The following NDRG4 variants were observed in gnomAD, a reference collection of about 807,000 sequenced individuals.
NDRG4 encodes protein NDRG4.
NDRG4 carries 38 observed loss-of-function variants against 55.8 expected under a neutral mutation model. The ratio of observed to expected loss-of-function variants is 0.68; its 90% CI spans 0.53 to 0.89. The LOEUF is 0.89. Ranked by LOEUF, NDRG4 falls within the 40% of genes least tolerant of loss-of-function variation. NDRG4 has a pLI of 0.00. For missense variants in NDRG4, 455 were observed against 468.6 expected (o/e 0.97, Z 0.27); for synonymous variants, 190 against 182.7 (o/e 1.04, Z -0.32).
At position 58,506,299 on chromosome 16, in the gene NDRG4, T is replaced by G. The variant is rs564056870; in HGVS notation, c.373-88T>G. ...GACCCGGCTGTAGCCGGGTGGCTGA[T>G]CAGCAGCACCTTGAAGACTTTACAG... On this transcript the variant is annotated intron_variant, in intron 5 of 14. Transcript: ENST00000570248. 2.3e-6 allele frequency: 3 copies of G among 1,332,232 alleles called. No homozygotes were observed. In the African/African-American group the frequency reaches 4.3e-5, roughly 19 times the overall value. The allele number at this position is 1,332,232 out of a possible 1,614,324, so 82.5% of individuals were successfully genotyped here. A position where few individuals can be genotyped will look rare whatever the true frequency, so the allele number is the denominator to read the frequency against.
intron 1 of NDRG4, chr16:58,501,192 A>G: frequency 1.7e-6 from 1 of 592,532 alleles, no homozygotes; most frequent in East Asian, 3.5e-5. Flanking sequence ...CCCCGCACGC[A>G]CGGAGGTGAC....
At position 58,464,095 on chromosome 16, in the gene NDRG4, T is replaced by A; in HGVS notation, c.-24+298T>A. 2 of 269,012 alleles carry A rather than the reference T, an allele frequency of 7.4e-6. No individual in the cohort carries two copies. Among genetic ancestry groups the A allele is most frequent in the Non-Finnish European group, 1.4e-5 (2 of 144,048 alleles). 16.7% of individuals were successfully genotyped at this position (269,012 alleles called of 1,614,324 possible). The stretch of plus-strand genomic sequence containing the variant: ...ACGCCCGGAGGCGGCGGGGTCTCTT[T>A]GTTCGGGCGGCGGGCACGGGGGACC... On this transcript the variant is annotated intron_variant, in intron 1 of 15. Transcript: ENST00000258187. The surrounding 1 kb of genome is among the most constrained non-coding windows in gnomAD (Gnocchi z 4.8).
At chr16:58,482,654 T>TCC in intron 1 of NDRG4, among the ~76,000 whole-genome samples, 1 of 151,484 alleles carries the variant, frequency 6.6e-6, no homozygotes, top group African/African-American at 2.4e-5. Flanking sequence ...TTCTCTCTTT[T>TCC]CTCTCTTTCC....
intron 1 of NDRG4, among the ~76,000 whole-genome samples, chr16:58,482,776 C>G (rs1381783990): frequency 1.5e-5 from 2 of 130,998 alleles, no homozygotes; most frequent in Admixed American, 1.8e-4. Flanking sequence ...TTCCTTTTTT[C>G]CTTCCTTCTC....
At chr16:58,508,639 C>G (rs2038367475) in intron 10 of NDRG4, among the ~76,000 whole-genome samples, 2 of 152,208 alleles carry the variant, frequency 1.3e-5, no homozygotes. Context: ...CTCGGCACCC[C>G]TCACCTCACT....
At position 58,504,405 on chromosome 16, in the gene NDRG4, G is replaced by C; in HGVS notation, c.295G>C (p.Val99Leu). 6.2e-7 allele frequency: 1 copy of C among 1,612,614 alleles called. No homozygotes were observed. Among genetic ancestry groups the C allele is most frequent in the Non-Finnish European group, 8.5e-7 (1 of 1,180,028 alleles). The change falls in exon 4 of 15, where the codon GTG becomes CTG. Residue 99 changes from valine (V) to leucine (L), a missense_variant. Physicochemically the swap from Val to Leu is conservative, Grantham distance 32. Transcript: ENST00000570248. Reference sequence around the variant, plus strand: ...GCAGCTGGCTGCCATGCTCCCCAGCGTGGTGCAGCATTTCGGGTGAGTCCC... The same window carrying C: ...GCAGCTGGCTGCCATGCTCCCCAGCCTGGTGCAGCATTTCGGGTGAGTCCC... The part of the protein sequence containing the change: ...MEQLAAMLPS[V>L]VQHFGFKYVI...
intron 1 of NDRG4, among the ~76,000 whole-genome samples, chr16:58,474,028 C>CTTTTTT (rs1168834628): frequency 4.0e-5 from 4 of 101,174 alleles, no homozygotes; most frequent in Non-Finnish European, 5.6e-5. Flanking sequence ...TTTTCTTTCC[C>CTTTTTT]TTTTTTTTTT....
At chr16:58,506,527 G>A (rs771399260) in intron 6 of NDRG4, 31 bp from the exon 7 acceptor site, 25 of 1,599,770 alleles carry the variant, frequency 1.6e-5, no homozygotes, top group East Asian at 2.2e-5. Flanking sequence ...GGTGAGGGGC[G>A]GCACTCACGC....
intron 1 of NDRG4, among the ~76,000 whole-genome samples, chr16:58,477,572 A>G (rs2033831727): frequency 6.6e-6 from 1 of 152,188 alleles, no homozygotes; most frequent in Non-Finnish European, 1.5e-5. Context: ...TATTGATATA[A>G]ATAAGTAATT....
intron 2 of NDRG4, among the ~76,000 whole-genome samples, chr16:58,490,739 G>A (rs1205059606): frequency 6.6e-6 from 1 of 152,224 alleles, no homozygotes; most frequent in Non-Finnish European, 1.5e-5. Context: ...CACTTTGGGA[G>A]CCCAAGGTGG....
chr16:58,504,778 CCT>C, intron 5 of NDRG4, 129 bp downstream of exon 5: 1 of 904,148 alleles, frequency 1.1e-6, no homozygotes, highest in Non-Finnish European at 1.7e-6. Flanking sequence ...CCTCCCACCT[CCT>C]CTTTATGTAG....
intron 1 of NDRG4, among the ~76,000 whole-genome samples, chr16:58,481,622 G>A (rs539528089): frequency 6.6e-6 from 1 of 152,256 alleles, no homozygotes; most frequent in Non-Finnish European, 1.5e-5. Flanking sequence ...AATGTCCCTT[G>A]CATCCTCCTG....
rs762624308 is a variant in NDRG4, at chr16:58,503,806, C to A, written c.30C>A (p.Asp10Glu). 3 of 1,613,842 alleles carry A rather than the reference C, an allele frequency of 1.9e-6. No individual in the cohort carries two copies. Among genetic ancestry groups the A allele is most frequent in the Non-Finnish European group, 2.5e-6 (3 of 1,179,996 alleles). The change falls in exon 2 of 15, where the codon GAC (aspartate) becomes GAA (glutamate). Residue 10 changes from aspartate to glutamate, a missense_variant. Transcript: ENST00000570248. MPECWDGEH[D>E]IETPYGLLHV... ...CGGTCTCTCCCCTTCAGGAACATGA[C>A]ATCGAGACACCCTACGGCCTTCTGC...
intron 5 of NDRG4, among the ~76,000 whole-genome samples, chr16:58,505,659 C>T (rs2037838706): frequency 6.8e-6 from 1 of 146,742 alleles, no homozygotes; most frequent in African/African-American, 2.5e-5. Context: ...TACGGCAAAA[C>T]AGACTTTGAA....
Position 58,512,102 on chromosome 16 carries a change from CACTTTCCTGGTGCT to C in NDRG4, c.*527_*540del, listed in dbSNP as rs1487941684. ...CAAGGGGGCGCTCGGACCAGGCAGC[CACTTTCCTGGTGCT>C]CTCTGGGCCCAGCTGGTGCTGTAGG... On this transcript the variant is annotated 3_prime_UTR_variant, in exon 15 of 15. Coordinates refer to ENST00000570248, the MANE Select transcript of NDRG4 (RefSeq NM_001242835.2). 3 of 456,736 alleles carry C rather than the reference CACTTTCCTGGTGCT, an allele frequency of 6.6e-6. No individual in the cohort carries two copies. The highest frequency in any genetic ancestry group is 4.6e-5 in the South Asian group (3 of 64,556). The allele number at this position is 456,736 out of a possible 1,614,324, so 28.3% of individuals were successfully genotyped here.
In NDRG4 at chr16:58,508,868, C is replaced by G. The variant is rs1334283564; in HGVS notation, c.730-94C>G. The G allele has an allele frequency of 5.0e-6, 7 of 1,411,196 alleles. No individual in the cohort carries two copies. The South Asian group carries it at 6.1e-5, about 12-fold the overall frequency. 87.4% of individuals were successfully genotyped at this position (1,411,196 alleles called of 1,614,324 possible). On this transcript the variant is annotated intron_variant, in intron 10 of 14. Coordinates refer to ENST00000570248, the MANE Select transcript of NDRG4 (RefSeq NM_001242835.2). ...GGCCTCCCTCTGCCTCCCTGCACCC[C>G]CTCTCCTCCCCGAGCTTGGGGCATC...
At chr16:58,502,490 C>G (rs2037300334) in intron 1 of NDRG4, among the ~76,000 whole-genome samples, 1 of 152,184 alleles carries the variant, frequency 6.6e-6, no homozygotes, top group Non-Finnish European at 1.5e-5. Flanking sequence ...TTGGTGCCAG[C>G]TTGTCACTCC....
Position 58,500,190 on chromosome 16 carries a change from G to A in NDRG4, c.-59G>A, listed in dbSNP as rs534438816. The stretch of plus-strand genomic sequence containing the variant: ...CGAGCTGCCCCCGCCCTCTGGACCC[G>A]AGTGACTCAGGCCTTTGTTTGTCCT... On this transcript the variant is annotated 5_prime_UTR_variant, in exon 1 of 15. Coordinates refer to ENST00000570248, the MANE Select transcript of NDRG4 (RefSeq NM_001242835.2). The A allele has an allele frequency of 7.2e-6, 11 of 1,535,864 alleles. No individual in the cohort carries two copies. The highest frequency in any genetic ancestry group is 3.9e-5 in the Admixed American group (2 of 50,972).
rs890823053 is a variant in NDRG4 at position 58,500,728 on chromosome 16, C to T, written c.21+459C>T. 24 of 426,436 alleles carry T rather than the reference C, an allele frequency of 5.6e-5. No individual in the cohort carries two copies. The East Asian group carries it at 7.0e-4, about 12-fold the overall frequency. 26.4% of individuals were successfully genotyped at this position (426,436 alleles called of 1,614,324 possible). A position where few individuals can be genotyped will look rare whatever the true frequency, so the allele number is the denominator to read the frequency against. On this transcript the variant is annotated intron_variant, in intron 1 of 14. Transcript: ENST00000570248. ...TTGGTGAGCCCCCGAGGCTGTGTGC[C>T]CAGTGTGCGTGCCGGGTCTGTGCGT... is the stretch of plus-strand genomic sequence containing the variant.
Sources: gnomAD v4.1 joint callset for allele counts (sites outside exome capture counted in the v4.1 genomes callset) on GRCh38, gnomAD v4.1.1 for gene constraint, Gnocchi (gnomAD v3.1) non-coding constraint, MANE v1.5 for transcripts, NCBI Gene and HGNC (gene_info 2026-07-23, HGNC 2026-07-21) for gene names.